Variants in SLC25A12 observed in about 807,000 individuals in gnomAD.
SLC25A12 encodes electrogenic aspartate/glutamate antiporter SLC25A12, mitochondrial.
In SLC25A12, 32 loss-of-function variants were observed where a neutral mutation model predicts 83.3. The observed-to-expected ratio is 0.38, with a 90% CI of 0.29 to 0.52. The LOEUF (loss-of-function observed/expected upper bound fraction) is 0.52, where lower values mean the gene tolerates loss of function less well. Ranked by LOEUF, SLC25A12 falls within the 20% of genes least tolerant of loss-of-function variation. The pLI is 0.84. For missense variants in SLC25A12, 611 were observed against 835.6 expected, an observed-to-expected ratio of 0.73 and a Z score of 3.31; for synonymous variants, 267 against 291.1, an observed-to-expected ratio of 0.92 and a Z score of 0.84.
intron 8 of SLC25A12, among the ~76,000 whole-genome samples, chr2:171,833,398 G>A (rs1030825695): frequency 1.3e-5 from 2 of 151,976 alleles, no homozygotes; most frequent in East Asian, 3.9e-4. Flanking sequence ...AAAAAGACAA[G>A]CAGATGTAAC....
At chr2:171,788,236 G>C (rs1054581141) in intron 15 of SLC25A12, 1 of 313,530 alleles carries the variant, frequency 3.2e-6, no homozygotes, top group East Asian at 6.7e-5. Context: ...ATATTAATAA[G>C]ACAATTCCCA....
intron 2 of SLC25A12, among the ~76,000 whole-genome samples, chr2:171,889,441 T>G (rs2105934696): frequency 6.6e-6 from 1 of 152,310 alleles, no homozygotes; most frequent in South Asian, 2.1e-4. Flanking sequence ...TCATTAATTC[T>G]CAAAAGTATT....
intron 13 of SLC25A12, among the ~76,000 whole-genome samples, chr2:171,807,317 G>A (rs1683853709): frequency 1.3e-5 from 2 of 152,156 alleles, no homozygotes; most frequent in African/African-American, 4.8e-5. Context: ...TTAAGGAAGA[G>A]ATTTAGAGTG....
intron 10 of SLC25A12, among the ~76,000 whole-genome samples, chr2:171,814,742 T>C (rs1684015521): frequency 6.6e-6 from 1 of 152,186 alleles, no homozygotes; most frequent in Non-Finnish European, 1.5e-5. Context: ...GAACATGTGG[T>C]ATTTGGTTTT....
chr2:171,882,706 C>T (rs1485229896), intron 2 of SLC25A12, among the ~76,000 whole-genome samples: 2 of 152,072 alleles, frequency 1.3e-5, no homozygotes, highest in East Asian at 1.9e-4. Flanking sequence ...TCTAGAAACC[C>T]AACGCTGGCC....
chr2:171,856,074 T>C, intron 3 of SLC25A12, 125 bp from the exon 4 acceptor site: 1 of 696,700 alleles, frequency 1.4e-6, no homozygotes, highest in South Asian at 1.6e-5. Flanking sequence ...TAGTTTGTTT[T>C]TATAGAGGTA....
chr2:171,783,649 C>T lies in SLC25A12; in HGVS notation c.*1625G>A, dbSNP rs907075052. On this transcript the variant is annotated 3_prime_UTR_variant, in exon 18 of 18. Coordinates refer to ENST00000422440, the MANE Select transcript of SLC25A12 (RefSeq NM_003705.5). ...AAGGAGGGTAAGCGGGACACTTTCC[C>T]ATCTCACTCTAGATACATACATAGG... Among the ~76,000 whole-genome samples, 5 of 152,172 alleles carry T rather than the reference C, an allele frequency of 3.3e-5. No individual in the cohort carries two copies. The highest frequency in any genetic ancestry group is 1.2e-4 in the African/African-American group (5 of 41,436).
chr2:171,857,972 A>C (rs1300276862), intron 3 of SLC25A12, among the ~76,000 whole-genome samples: 1 of 152,122 alleles, frequency 6.6e-6, no homozygotes, highest in Non-Finnish European at 1.5e-5. Context: ...GGGTTTCTAG[A>C]ACTTAATGAG....
Position 171,810,211 on chromosome 2 carries a change from G to A in SLC25A12, c.1224+13C>T. On this transcript the variant is annotated intron_variant, in intron 12 of 17. Coordinates refer to ENST00000422440, the MANE Select transcript of SLC25A12 (RefSeq NM_003705.5). ...TAAACAAATGACATAAATTCAGTTA[G>A]AGATAAACTTACAGTCAGTTTAATG... The A allele has an allele frequency of 1.2e-6, 2 of 1,607,426 alleles. No individual in the cohort carries two copies. Among genetic ancestry groups the A allele is most frequent in the Non-Finnish European group, 1.7e-6 (2 of 1,174,028 alleles).
chr2:171,845,668 TAATAAAA>T, intron 4 of SLC25A12: 1 of 261,666 alleles, frequency 3.8e-6, no homozygotes, highest in Admixed American at 4.7e-5. Flanking sequence ...CACTTTTTCT[TAATAAAA>T]GCATTACTAC....
At chr2:171,861,913 A>G (rs1424870150) in intron 3 of SLC25A12, among the ~76,000 whole-genome samples, 4 of 152,224 alleles carry the variant, frequency 2.6e-5, no homozygotes, top group Non-Finnish European at 5.9e-5. Context: ...GTATTACCCC[A>G]TTGTCTGACT....
intron 3 of SLC25A12, among the ~76,000 whole-genome samples, chr2:171,867,780 T>A (rs1190154519): frequency 6.6e-6 from 1 of 152,238 alleles, no homozygotes; most frequent in Non-Finnish European, 1.5e-5. Flanking sequence ...GCTCCTCTGT[T>A]TTTTAACATT....
intron 7 of SLC25A12, 191 bp from the exon 8 acceptor site, chr2:171,834,247 A>C (rs1558924519): frequency 1.8e-6 from 1 of 548,598 alleles, no homozygotes; most frequent in Non-Finnish European, 3.3e-6. Context: ...GTAAAAGATA[A>C]AATGTTAAGA....
intron 8 of SLC25A12, among the ~76,000 whole-genome samples, chr2:171,830,936 T>C (rs550521339): frequency 2.2e-4 from 33 of 152,324 alleles, no homozygotes; most frequent in East Asian, 1.9e-4. Flanking sequence ...TGTTAAATTA[T>C]ATAGCTGTAG....
intron 1 of SLC25A12, among the ~76,000 whole-genome samples, chr2:171,893,752 C>G (rs12991441): frequency 0.25 from 38,330 of 152,100 alleles, 5,839 homozygotes; most frequent in Middle Eastern, 0.37. Context: ...CTTTCCATAC[C>G]CTGCAATCTG....
chr2:171,804,097 T>C (rs182048498), intron 13 of SLC25A12, among the ~76,000 whole-genome samples: 2 of 152,300 alleles, frequency 1.3e-5, no homozygotes, highest in East Asian at 1.9e-4. Flanking sequence ...GTTTATCAAC[T>C]AATGAATGAA....
intron 3 of SLC25A12, among the ~76,000 whole-genome samples, chr2:171,858,841 T>A (rs1558934386): frequency 6.6e-6 from 1 of 152,222 alleles, no homozygotes; most frequent in Non-Finnish European, 1.5e-5. Flanking sequence ...CCTTGTGGAT[T>A]TGAGACTCTT....
intron 9 of SLC25A12, among the ~76,000 whole-genome samples, chr2:171,817,600 C>CAAAA (rs71013076): frequency 0.097 from 6,227 of 63,880 alleles, 1,098 homozygotes; most frequent in East Asian, 0.55. Flanking sequence ...GACTCTGCCT[C>CAAAA]AAAAAAAAAA....
At chr2:171,873,639 C>T (rs973576658) in intron 2 of SLC25A12, among the ~76,000 whole-genome samples, 1 of 152,096 alleles carries the variant, frequency 6.6e-6, no homozygotes, top group African/African-American at 2.4e-5. Context: ...CTTCCTCCTA[C>T]TTCTGTTCCC....
Sources: gnomAD v4.1 joint callset for allele counts (sites outside exome capture counted in the v4.1 genomes callset) on GRCh38, gnomAD v4.1.1 for gene constraint, MANE v1.5 for transcripts, NCBI Gene and HGNC (gene_info 2026-07-23, HGNC 2026-07-21) for gene names.